The following ANK3 variants were observed in gnomAD, a reference collection of about 807,000 sequenced individuals.
The protein encoded by ANK3 is ankyrin 3, also known as ankyrin-3.
Under a neutral mutation model 370.9 loss-of-function variants are expected in ANK3, and 57 were observed. The observed-to-expected ratio is 0.15, with a 90% CI of 0.12 to 0.19. ANK3 has a LOEUF of 0.19. Ranked by LOEUF, ANK3 falls within the 10% of genes least tolerant of loss-of-function variation. ANK3 has a pLI of 1.00. For missense variants in ANK3, 4,439 were observed against 5,302.1 expected (o/e 0.84, Z 5.06); for synonymous variants, 1,929 against 1,946.3 (o/e 0.99, Z 0.23).
At chr10:60,602,494 T>C (rs1356651079) in intron 2 of ANK3, among the ~76,000 whole-genome samples, 2 of 152,186 alleles carry the variant, frequency 1.3e-5, no homozygotes, top group Non-Finnish European at 2.9e-5. Flanking sequence ...TCCCCAAGGA[T>C]ACCAACCCTA....
At chr10:60,201,708 CTTTTTTTTTTT>C (rs10544317) in intron 12 of ANK3, among the ~76,000 whole-genome samples, 1 of 120,282 alleles carries the variant, frequency 8.3e-6, no homozygotes, top group African/African-American at 3.1e-5. Context: ...GAAATCACTT[CTTTTTTTTTTT>C]TTTTTTTTTT....
chr10:60,046,806 C>CA (rs1412634929), intron 42 of ANK3, among the ~76,000 whole-genome samples: 1 of 107,068 alleles, frequency 9.3e-6, no homozygotes, highest in East Asian at 3.9e-4. Context: ...AAAGTAATCT[C>CA]AATTTTTTTT....
At chr10:60,560,675 T>C (rs1241925658) in intron 2 of ANK3, among the ~76,000 whole-genome samples, 2 of 152,158 alleles carry the variant, frequency 1.3e-5, no homozygotes, top group African/African-American at 4.8e-5. Flanking sequence ...TTCAGTGAAA[T>C]AACACCACAT....
At chr10:60,498,556 T>C (rs1223116570) in intron 2 of ANK3, among the ~76,000 whole-genome samples, 2 of 152,140 alleles carry the variant, frequency 1.3e-5, no homozygotes, top group Non-Finnish European at 2.9e-5. Flanking sequence ...ACCTGGCTAA[T>C]TATTTCTTAT....
intron 1 of ANK3, among the ~76,000 whole-genome samples, chr10:60,367,488 G>A (rs1020217550): frequency 6.6e-6 from 1 of 152,178 alleles, no homozygotes; most frequent in Non-Finnish European, 1.5e-5. Context: ...GCCAGAGAAG[G>A]AGGCTTTCAC....
At chr10:60,643,500 ATATC>A (rs61461746) in intron 1 of ANK3, among the ~76,000 whole-genome samples, 3,948 of 146,752 alleles carry the variant, frequency 0.027, 62 homozygotes, top group Middle Eastern at 0.062. Flanking sequence ...ACTCCCCTTT[ATATC>A]TATCTATCTA....
chr10:60,707,477 T>A (rs1022329711), intron 1 of ANK3, among the ~76,000 whole-genome samples: 4 of 152,100 alleles, frequency 2.6e-5, no homozygotes, highest in Non-Finnish European at 5.9e-5. Context: ...GAGAAAACAC[T>A]ATAATAATTA....
intron 1 of ANK3, among the ~76,000 whole-genome samples, chr10:60,328,135 GA>G (rs2050324928): frequency 6.6e-6 from 1 of 152,168 alleles, no homozygotes; most frequent in African/African-American, 2.4e-5. Flanking sequence ...ATATTTCCAA[GA>G]TAGGGAACTC....
chr10:60,572,386 T>A (rs773645944), intron 2 of ANK3: 32 of 1,403,036 alleles, frequency 2.3e-5, no homozygotes, highest in Non-Finnish European at 2.6e-5. Context: ...GCCAATCTCT[T>A]AAAAATTCAG....
At chr10:60,292,441 T>G (rs533551841) in intron 1 of ANK3, among the ~76,000 whole-genome samples, 2 of 152,310 alleles carry the variant, frequency 1.3e-5, no homozygotes, top group Admixed American at 1.3e-4. Context: ...AATTTTTTTT[T>G]TCTTAATACA....
At chr10:60,384,835 AGAATCC>A (rs1481986983) in intron 1 of ANK3, among the ~76,000 whole-genome samples, 1 of 152,190 alleles carries the variant, frequency 6.6e-6, no homozygotes, top group East Asian at 1.9e-4. Flanking sequence ...CAGTTATCCT[AGAATCC>A]GATCTCTCTC....
chr10:60,392,369 CTGGTATG>C (rs1161407733), upstream of ANK3, among the ~76,000 whole-genome samples: 703 of 152,288 alleles, frequency 4.6e-3, 6 homozygotes, highest in African/African-American at 0.016. Context: ...AGATTAAAAA[CTGGTATG>C]AATCTTTAAA....
intron 2 of ANK3, among the ~76,000 whole-genome samples, chr10:60,559,902 G>T (rs574147687): frequency 6.6e-6 from 1 of 152,210 alleles, no homozygotes; most frequent in South Asian, 2.1e-4. Flanking sequence ...AATTAGCCAG[G>T]TATGGTAGTG....
In ANK3 at chr10:60,073,695, C is replaced by G; in HGVS notation, c.7186G>C (p.Glu2396Gln). 6.2e-7 allele frequency: 1 copy of G among 1,612,744 alleles called. No individual in the cohort carries two copies. Among genetic ancestry groups the G allele is most frequent in the Non-Finnish European group, 8.5e-7 (1 of 1,179,532 alleles). Reference protein sequence around the residue: ...SEEQGQQEEEELTAEESLPSY... With the variant: ...SEEQGQQEEEQLTAEESLPSY... ...GGCAATGACTCTTCAGCAGTAAGTT[C>G]TTCTTCTTCTTGCTGACCCTGTTCC... The change falls in exon 37 of 44, where the codon GAA becomes CAA. Residue 2396 changes from glutamate (E) to glutamine (Q), a missense_variant. Coordinates refer to ENST00000280772, the MANE Select transcript of ANK3 (RefSeq NM_020987.5).
At chr10:60,111,260 C>A (rs2092688532) in intron 26 of ANK3, among the ~76,000 whole-genome samples, 2 of 152,104 alleles carry the variant, frequency 1.3e-5, no homozygotes, top group Admixed American at 6.6e-5. Context: ...ATATTAACAA[C>A]AAACTGGAAG....
chr10:60,321,090 G>GTTA (rs1237785507), intron 1 of ANK3, among the ~76,000 whole-genome samples: 1 of 152,076 alleles, frequency 6.6e-6, no homozygotes, highest in Non-Finnish European at 1.5e-5. Flanking sequence ...TAATAATGAT[G>GTTA]TTATATAAAA....
intron 2 of ANK3, among the ~76,000 whole-genome samples, chr10:60,477,445 GC>G (rs2075096091): frequency 6.7e-6 from 1 of 150,172 alleles, no homozygotes; most frequent in South Asian, 2.1e-4. Flanking sequence ...AATTTCTAAA[GC>G]AAAATGAGTT....
At chr10:60,601,640 T>C (rs1341621737) in intron 2 of ANK3, among the ~76,000 whole-genome samples, 1 of 152,062 alleles carries the variant, frequency 6.6e-6, no homozygotes, top group Non-Finnish European at 1.5e-5. Context: ...ATGGGTGGGA[T>C]CCTGGAACCA....
At chr10:60,568,332 T>C (rs1287126438) in intron 2 of ANK3, among the ~76,000 whole-genome samples, 3 of 152,172 alleles carry the variant, frequency 2.0e-5, no homozygotes, top group Admixed American at 2.0e-4. Context: ...AAAAAAGAAC[T>C]TCCACAAGCA....
Sources: gnomAD v4.1 joint callset for allele counts (sites outside exome capture counted in the v4.1 genomes callset) on GRCh38, gnomAD v4.1.1 for gene constraint, MANE v1.5 for transcripts, NCBI Gene and HGNC (gene_info 2026-07-23, HGNC 2026-07-21) for gene names.